Variants in TSNAXIP1 observed in about 807,000 individuals in gnomAD.
The protein encoded by TSNAXIP1 is translin-associated factor X-interacting protein 1.
TSNAXIP1 carries 89 observed loss-of-function variants against 84.8 expected under a neutral mutation model. That is an observed-to-expected ratio of 1.05 (90% CI 0.88 to 1.25). The LOEUF is 1.25. TSNAXIP1 is among the 50% of genes most tolerant of loss of function. TSNAXIP1 has a pLI of 0.00. For missense variants in TSNAXIP1, 874 were observed against 887.6 expected (o/e 0.98, Z 0.20); for synonymous variants, 347 against 335.2 (o/e 1.04, Z -0.39).
Position 67,823,677 on chromosome 16 carries a change from C to A in TSNAXIP1, c.439C>A (p.Pro147Thr). The A allele has an allele frequency of 6.2e-7, 1 of 1,613,768 alleles. No individual in the cohort carries two copies. The highest frequency in any genetic ancestry group is 8.5e-7 in the Non-Finnish European group (1 of 1,179,796). Residue 147 changes from proline (P) to threonine (T), a missense_variant, in exon 5 of 16, where the codon CCA becomes ACA. By Grantham distance (38) the Pro-to-Thr change is conservative. Transcript: ENST00000561639. ...CATAGAGGACTTCAAAACGTACAAG[C>A]CATTACTATCCTCCATCAAGAATGC... ...FFIEDFKTYK[P>T]LLSSIKNAYE...
intron 1 of TSNAXIP1, among the ~76,000 whole-genome samples, chr16:67,809,823 C>T (rs867853948): frequency 1.3e-5 from 2 of 151,658 alleles, no homozygotes; most frequent in Non-Finnish European, 2.9e-5. Context: ...GTGGCATGCA[C>T]CTGTAATCCC....
chr16:67,823,191 C>A (rs1426725177), intron 4 of TSNAXIP1, among the ~76,000 whole-genome samples: 1 of 152,110 alleles, frequency 6.6e-6, no homozygotes, highest in Non-Finnish European at 1.5e-5. Flanking sequence ...GTATCTAGGG[C>A]ATTTACTTGA....
intron 2 of TSNAXIP1, 84 bp downstream of exon 2, chr16:67,814,485 C>A (rs980598039): frequency 1.1e-5 from 12 of 1,097,938 alleles, no homozygotes; most frequent in African/African-American, 7.4e-5. Context: ...AGAGTACCAC[C>A]CACCTGAAAC....
intron 4 of TSNAXIP1, among the ~76,000 whole-genome samples, chr16:67,822,566 AAGAGAG>A (rs143349223): frequency 7.4e-5 from 11 of 149,058 alleles, no homozygotes; most frequent in South Asian, 4.3e-4. Context: ...GGGAGGGAGG[AAGAGAG>A]AGAGAGAGAG....
chr16:67,827,131 G>A (rs2057519388), intron 13 of TSNAXIP1, 59 bp downstream of exon 13: 1 of 1,606,772 alleles, frequency 6.2e-7, no homozygotes, highest in Non-Finnish European at 8.5e-7. Flanking sequence ...CATCTGTAGG[G>A]AAAAGGGGCA....
chr16:67,826,167 G>T lies in TSNAXIP1; in HGVS notation c.1160G>T (p.Gly387Val). ...CCACATGCAGATGTGGTGGCTGGGG[G>T]CCCAGAGCGCTGGCAGATGCTGGCT... ...WTKCKDVVAG[G>V]PERWQMLAEG... The change falls in exon 10 of 16, where the codon GGC (glycine) becomes GTC (valine). Residue 387 changes from glycine to valine, a missense_variant. Coordinates refer to ENST00000561639, the MANE Select transcript of TSNAXIP1 (RefSeq NM_001288990.3). 2 of 1,612,868 alleles carry T rather than the reference G, an allele frequency of 1.2e-6. No homozygotes were observed. Among genetic ancestry groups the T allele is most frequent in the South Asian group, 1.1e-5 (1 of 90,984 alleles).
intron 7 of TSNAXIP1, 89 bp downstream of exon 7, chr16:67,825,361 C>A (rs1270094253): frequency 1.3e-6 from 2 of 1,538,412 alleles, no homozygotes; most frequent in Non-Finnish European, 1.8e-6. Context: ...ATTCAGCATT[C>A]CTAAGACCTG....
At chr16:67,822,402 T>G (rs2057134263) in intron 4 of TSNAXIP1, among the ~76,000 whole-genome samples, 1 of 152,126 alleles carries the variant, frequency 6.6e-6, no homozygotes, top group Non-Finnish European at 1.5e-5. Flanking sequence ...GCCCAGTCCC[T>G]GCAGCTCTGT....
intron 6 of TSNAXIP1, 149 bp from the exon 7 acceptor site, chr16:67,824,988 C>A: frequency 3.2e-6 from 4 of 1,253,784 alleles, no homozygotes; most frequent in East Asian, 2.5e-5. Context: ...TTGCCGAATT[C>A]TCAGAAATGG....
intron 4 of TSNAXIP1, 38 bp downstream of exon 4, chr16:67,821,263 A>AT: frequency 1.1e-5 from 8 of 722,984 alleles, no homozygotes; most frequent in Non-Finnish European, 1.6e-5. Context: ...GGGCGGGGGA[A>AT]GGGTGGGAAG....
chr16:67,826,949 TTC>T lies in TSNAXIP1; in HGVS notation c.1555-9_1555-8del. On this transcript the variant is annotated splice_polypyrimidine_tract_variant and intron_variant, in intron 12 of 15. Transcript: ENST00000561639. The stretch of plus-strand genomic sequence containing the variant: ...CCCAGGAACAGCAGGTGAATAATGC[TTC>T]TCTCCTTATAGCGGAGTGAGAATGT... 1 of 1,614,008 alleles carries T rather than the reference TTC, an allele frequency of 6.2e-7. No homozygotes were observed. The highest frequency in any genetic ancestry group is 8.5e-7 in the Non-Finnish European group (1 of 1,179,950).
rs2057464036 is a variant in TSNAXIP1, at chr16:67,826,511, C to T, written c.1350C>T (p.Asp450=). The T allele has an allele frequency of 8.1e-6, 13 of 1,614,162 alleles. No individual in the cohort carries two copies. The Middle Eastern group carries it at 6.6e-4, about 82-fold the overall frequency. ...LVENKKPSKK[D]VVNLLKDAWK... is the part of the protein sequence containing the mutation. ...AGAACAAGAAGCCAAGCAAGAAGGA[C>T]GTGGTCAACCTCCTCAAGGATGCCT... The change falls in exon 11 of 16, where the codon GAC becomes GAT. Residue 450 remains aspartate, a synonymous_variant. Transcript: ENST00000561639.
At chr16:67,810,338 A>C (rs2055936860) in intron 1 of TSNAXIP1, among the ~76,000 whole-genome samples, 1 of 152,126 alleles carries the variant, frequency 6.6e-6, no homozygotes, top group East Asian at 1.9e-4. Context: ...ACTGAGCTTG[A>C]GGCCGGGTAC....
intron 2 of TSNAXIP1, 72 bp from the exon 3 acceptor site, chr16:67,820,767 A>G: frequency 2.7e-6 from 3 of 1,122,118 alleles, no homozygotes. Context: ...GGACTGGGGG[A>G]GGAGAGATGG....
chr16:67,824,445 G>A (rs2057292607), intron 5 of TSNAXIP1, 138 bp from the exon 6 acceptor site: 3 of 788,392 alleles, frequency 3.8e-6, no homozygotes, highest in Non-Finnish European at 6.1e-6. Flanking sequence ...CTGAAACAGG[G>A]ACCATGGCTT....
At chr16:67,824,556 G>A in intron 5 of TSNAXIP1, 27 bp from the exon 6 acceptor site, 1 of 1,608,446 alleles carries the variant, frequency 6.2e-7, no homozygotes, top group Non-Finnish European at 8.5e-7. Flanking sequence ...TGGCCCCAAA[G>A]CAGCTCTCCC....
chr16:67,811,434 G>GTTTTTTTT (rs1312098377), intron 1 of TSNAXIP1, among the ~76,000 whole-genome samples: 5 of 122,458 alleles, frequency 4.1e-5, no homozygotes, highest in African/African-American at 1.6e-4. Flanking sequence ...GAATTGATTA[G>GTTTTTTTT]TCTTTTTTTT....
At chr16:67,822,278 CA>C (rs931299742) in intron 4 of TSNAXIP1, among the ~76,000 whole-genome samples, 140 of 51,960 alleles carry the variant, frequency 2.7e-3, no homozygotes, top group East Asian at 9.2e-3. Flanking sequence ...GACTCCATCT[CA>C]AAAAAAAAAA....
In TSNAXIP1 at chr16:67,825,733, G is replaced by C. The variant is rs568997046; in HGVS notation, c.881G>C (p.Arg294Pro). ...ALKMTRQDLT[R>P]TQMELNNMKA... ...AAGATGACCCGGCAAGACCTGACCC[G>C]CACGCAGATGGAACTCAACAACATG... Residue 294 changes from arginine to proline, a missense_variant, in exon 8 of 16, where the codon CGC becomes CCC. By Grantham distance (103) the Arg-to-Pro change is moderately radical. Coordinates refer to ENST00000561639, the MANE Select transcript of TSNAXIP1 (RefSeq NM_001288990.3). 2.5e-6 allele frequency: 4 copies of C among 1,614,070 alleles called. No individual in the cohort carries two copies. Among genetic ancestry groups the C allele is most frequent in the Non-Finnish European group, 8.5e-7 (1 of 1,180,036 alleles).
Sources: gnomAD v4.1 joint callset for allele counts (sites outside exome capture counted in the v4.1 genomes callset) on GRCh38, gnomAD v4.1.1 for gene constraint, MANE v1.5 for transcripts, NCBI Gene and HGNC (gene_info 2026-07-23, HGNC 2026-07-21) for gene names.